Variants in KLHL24 observed in about 807,000 individuals in gnomAD.
KLHL24 encodes the protein kelch like family member 24, also known as kelch-like protein 24.
Under a neutral mutation model 53.4 loss-of-function variants are expected in KLHL24, and 29 were observed. The ratio of observed to expected loss-of-function variants is 0.54; its 90% CI spans 0.40 to 0.74. KLHL24 has a LOEUF of 0.74. Among genes scored for constraint, KLHL24 ranks in the 30% least tolerant of loss-of-function variants. The pLI, the probability that KLHL24 is intolerant of heterozygous loss-of-function variation, is 0.00. For synonymous variants in KLHL24, 222 were observed against 253.7 expected (o/e 0.88, Z 1.19); for missense variants, 504 against 744.0 (o/e 0.68, Z 3.75).
At position 183,681,549 on chromosome 3, in the gene KLHL24, C is replaced by T. The variant is rs907598974; in HGVS notation, c.*2263C>T. On this transcript the variant is annotated 3_prime_UTR_variant, in exon 8 of 8. Transcript: ENST00000242810. Reference sequence around the variant, plus strand: ...AGAATTTTTTTAAACACAGACCTCACACCAATATTAATTTTTTCTCTACAT... The same window carrying T: ...AGAATTTTTTTAAACACAGACCTCATACCAATATTAATTTTTTCTCTACAT... The T allele has an allele frequency of 5.9e-5, 9 of 152,118 alleles. No individual in the cohort carries two copies. Among genetic ancestry groups the T allele is most frequent in the African/African-American group, 2.2e-4 (9 of 41,396 alleles). 9.4% of individuals were successfully genotyped at this position (152,118 alleles called of 1,614,324 possible). A position where few individuals can be genotyped will look rare whatever the true frequency, so the allele number is the denominator to read the frequency against.
At chr3:183,674,332 CCTT>C (rs1289232200) in intron 7 of KLHL24, among the ~76,000 whole-genome samples, 2 of 146,592 alleles carry the variant, frequency 1.4e-5, no homozygotes, top group Non-Finnish European at 3.0e-5. Context: ...TCCCTTCTTT[CCTT>C]CTTTTCTTTC....
intron 2 of KLHL24, among the ~76,000 whole-genome samples, chr3:183,648,568 G>C (rs1296041647): frequency 6.6e-6 from 1 of 152,198 alleles, no homozygotes; most frequent in Non-Finnish European, 1.5e-5. Flanking sequence ...TGGTAGAAGG[G>C]ATGTGTATGA....
intron 3 of KLHL24, among the ~76,000 whole-genome samples, chr3:183,661,376 T>G (rs1238012893): frequency 6.6e-6 from 1 of 152,230 alleles, no homozygotes; most frequent in Non-Finnish European, 1.5e-5. Flanking sequence ...CTTGCCATTA[T>G]CAGCTGGAGT....
At chr3:183,661,680 A>G (rs1719820524) in intron 3 of KLHL24, among the ~76,000 whole-genome samples, 1 of 152,210 alleles carries the variant, frequency 6.6e-6, no homozygotes, top group Non-Finnish European at 1.5e-5. Flanking sequence ...GTTCCAAAGT[A>G]CAAAAACAGA....
chr3:183,668,611 A>G (rs1720900167), intron 5 of KLHL24, among the ~76,000 whole-genome samples: 1 of 149,450 alleles, frequency 6.7e-6, no homozygotes, highest in Non-Finnish European at 1.5e-5. Context: ...AATCCTCAAG[A>G]AAAAATAAAA....
chr3:183,638,914 G>A (rs1182219166), intron 1 of KLHL24, among the ~76,000 whole-genome samples: 1 of 152,152 alleles, frequency 6.6e-6, no homozygotes, highest in African/African-American at 2.4e-5. Flanking sequence ...TTAAAAGTAG[G>A]CTTTGGCTGG....
intron 2 of KLHL24, among the ~76,000 whole-genome samples, chr3:183,647,387 G>A (rs1238739711): frequency 2.0e-5 from 3 of 151,808 alleles, no homozygotes; most frequent in African/African-American, 7.3e-5. Context: ...CTGCACTCCA[G>A]CCTGGCGACA....
chr3:183,641,451 C>T (rs1009003009), intron 1 of KLHL24, among the ~76,000 whole-genome samples: 2 of 133,016 alleles, frequency 1.5e-5, no homozygotes, highest in Non-Finnish European at 3.1e-5. Context: ...GCACTCCAGC[C>T]TGGCAACAGA....
chr3:183,658,724 T>C (rs1442828123), intron 3 of KLHL24, among the ~76,000 whole-genome samples: 2 of 152,238 alleles, frequency 1.3e-5, no homozygotes. Context: ...ATAATTTGTT[T>C]ACATTAGTTT....
rs1183009856 is a variant in KLHL24 at position 183,650,235 on chromosome 3, TTA to T, written c.-61-59_-61-58del. 5.2e-5 allele frequency: 35 copies of T among 679,328 alleles called. 1 individual carries two copies. The highest frequency in any genetic ancestry group is 1.2e-4 in the Admixed American group (4 of 33,172). The allele number at this position is 679,328 out of a possible 1,614,324, so 42.1% of individuals were successfully genotyped here. A position where few individuals can be genotyped will look rare whatever the true frequency, so the allele number is the denominator to read the frequency against. On this transcript the variant is annotated intron_variant, in intron 2 of 7. Coordinates refer to ENST00000242810, the MANE Select transcript of KLHL24 (RefSeq NM_017644.3). The surrounding 1 kb of genome is among the most constrained non-coding windows in gnomAD (Gnocchi z 4.5). The stretch of plus-strand genomic sequence containing the variant: ...TTGTAGTGTTTATATTAAAATGAAA[TTA>T]TGTGATTTGAATACTGAATTTTTTG...
chr3:183,669,009 C>T lies in KLHL24; in HGVS notation c.1225-2025C>T, dbSNP rs554973498. ...ACCCCAAAGAGATCAAGTCACTTCCCAAGATTACACAAAAAATGATAAAGC... is the reference window on the plus strand; with the variant it reads ...ACCCCAAAGAGATCAAGTCACTTCCTAAGATTACACAAAAAATGATAAAGC... On this transcript the variant is annotated intron_variant, in intron 5 of 7. Coordinates refer to ENST00000242810, the MANE Select transcript of KLHL24 (RefSeq NM_017644.3). Among the ~76,000 whole-genome samples the T allele has an allele frequency of 6.4e-4, 98 of 152,074 alleles. 1 individual carries two copies. In the South Asian group the frequency reaches 0.02, roughly 31 times the overall value.
rs1712450250 is a variant in KLHL24, at chr3:183,679,374, G to A, written c.*88G>A. 1 of 858,144 alleles carries A rather than the reference G, an allele frequency of 1.2e-6. No homozygotes were observed. Among genetic ancestry groups the A allele is most frequent in the Admixed American group, 2.6e-5 (1 of 37,816 alleles). The allele number at this position is 858,144 out of a possible 1,614,324, so 53.2% of individuals were successfully genotyped here. A position where few individuals can be genotyped will look rare whatever the true frequency, so the allele number is the denominator to read the frequency against. On this transcript the variant is annotated 3_prime_UTR_variant, in exon 8 of 8. Transcript: ENST00000242810. ...AGTGGGAACTTCACATATCTCCTTT[G>A]TGCCATATGCAAAAAATAGTAAAAA...
intron 3 of KLHL24, among the ~76,000 whole-genome samples, chr3:183,656,396 C>T (rs755959565): frequency 6.6e-6 from 1 of 152,114 alleles, no homozygotes; most frequent in Non-Finnish European, 1.5e-5. Context: ...GACTCCCCAA[C>T]ATAATTTTGA....
Position 183,679,557 on chromosome 3 carries a change from G to T in KLHL24, c.*271G>T. The T allele has an allele frequency of 2.7e-6, 1 of 372,632 alleles. No homozygotes were observed. Among genetic ancestry groups the T allele is most frequent in the Non-Finnish European group, 4.9e-6 (1 of 205,246 alleles). The allele number at this position is 372,632 out of a possible 1,614,324, so 23.1% of individuals were successfully genotyped here. ...TTGTAAGTATTTGTAAGAAGTCTATGTGAATTAGGAAATGTCTGTCTGCAT... is the reference window on the plus strand; with the variant it reads ...TTGTAAGTATTTGTAAGAAGTCTATTTGAATTAGGAAATGTCTGTCTGCAT... On this transcript the variant is annotated 3_prime_UTR_variant, in exon 8 of 8. Transcript: ENST00000242810.
At chr3:183,649,108 CTTA>C (rs917659625) in intron 2 of KLHL24, among the ~76,000 whole-genome samples, 2 of 151,856 alleles carry the variant, frequency 1.3e-5, no homozygotes, top group Non-Finnish European at 2.9e-5. Flanking sequence ...TGGGATGTTT[CTTA>C]TTAGTGAAAG....
rs570951177 is a variant in KLHL24, at chr3:183,635,689, C to A, written c.-229C>A. 59 of 152,946 alleles carry A rather than the reference C, an allele frequency of 3.9e-4. No individual in the cohort carries two copies. The highest frequency in any genetic ancestry group is 1.3e-3 in the African/African-American group (55 of 41,596). 9.5% of individuals were successfully genotyped at this position (152,946 alleles called of 1,614,324 possible). A position where few individuals can be genotyped will look rare whatever the true frequency, so the allele number is the denominator to read the frequency against. On this transcript the variant is annotated 5_prime_UTR_variant, in exon 1 of 8. Transcript: ENST00000242810. The stretch of plus-strand genomic sequence containing the variant: ...GGCGCTGGAGAGTGCGCTGCGCCGC[C>A]CGCCGCTGAGGGACCGCGGGGTTAG...
chr3:183,650,452 A>T lies in KLHL24; in HGVS notation c.96A>T (p.Lys32Asn), dbSNP rs1423672878. ...TKRKVFEMDP[K>N]SLTGHEFFDF... ...GAAAAGTTTTTGAAATGGACCCCAA[A>T]TCTCTGACAGGTCATGAGTTTTTTG... is the stretch of plus-strand genomic sequence containing the variant. Residue 32 changes from lysine (K) to asparagine (N), a missense_variant, in exon 3 of 8, where the codon AAA (lysine) becomes AAT (asparagine). Lys to Asn is a moderately conservative substitution (Grantham distance 94, BLOSUM62 0). Transcript: ENST00000242810. This position sits in a 1 kb window ranked among gnomAD's most constrained non-coding sequence, Gnocchi z 4.5. 1 of 1,614,194 alleles carries T rather than the reference A, an allele frequency of 6.2e-7. No homozygotes were observed. The highest frequency in any genetic ancestry group is 2.2e-5 in the East Asian group (1 of 44,884).
chr3:183,658,839 G>A (rs1719293296), intron 3 of KLHL24, among the ~76,000 whole-genome samples: 1 of 145,976 alleles, frequency 6.9e-6, no homozygotes, highest in Non-Finnish European at 1.5e-5. Context: ...CGCTCTGGTC[G>A]CCCAAGCTGG....
intron 7 of KLHL24, among the ~76,000 whole-genome samples, chr3:183,673,320 G>T (rs1721613763): frequency 6.6e-6 from 1 of 151,910 alleles, no homozygotes; most frequent in Non-Finnish European, 1.5e-5. Flanking sequence ...TCCTTCCAAG[G>T]GGTCATTTTA....
Sources: gnomAD v4.1 joint callset for allele counts (sites outside exome capture counted in the v4.1 genomes callset) on GRCh38, gnomAD v4.1.1 for gene constraint, Gnocchi (gnomAD v3.1) non-coding constraint, MANE v1.5 for transcripts, NCBI Gene and HGNC (gene_info 2026-07-23, HGNC 2026-07-21) for gene names.